The following CHRM3 variants were observed in gnomAD, a reference collection of about 807,000 sequenced individuals.
CHRM3 encodes the protein cholinergic receptor muscarinic 3.
In CHRM3, 11 loss-of-function variants were observed where a neutral mutation model predicts 41.8. The ratio of observed to expected loss-of-function variants is 0.26; its 90% CI spans 0.17 to 0.44. The LOEUF is 0.44. CHRM3 is among the 20% of genes least tolerant of loss of function. CHRM3 has a pLI of 1.00. For synonymous variants in CHRM3, 297 were observed against 301.4 expected (o/e 0.99, Z 0.15); for missense variants, 571 against 745.4 (o/e 0.77, Z 2.72).
intron 6 of CHRM3, among the ~76,000 whole-genome samples, chr1:239,856,073 C>T (rs1412830503): frequency 6.6e-6 from 1 of 152,160 alleles, no homozygotes; most frequent in Non-Finnish European, 1.5e-5. Flanking sequence ...TCCATTACCT[C>T]TTTGGCTTCA....
intron 6 of CHRM3, among the ~76,000 whole-genome samples, chr1:239,835,403 C>T (rs767322941): frequency 1.3e-5 from 2 of 152,082 alleles, no homozygotes; most frequent in African/African-American, 4.8e-5. Context: ...GTGCCCACTA[C>T]GTTCTCTGCA....
intron 1 of CHRM3, among the ~76,000 whole-genome samples, chr1:239,472,996 G>T (rs1265963535): frequency 6.6e-6 from 1 of 152,034 alleles, no homozygotes; most frequent in Non-Finnish European, 1.5e-5. Flanking sequence ...AGATAAAAAA[G>T]AAATCTTGAT....
chr1:239,657,612 T>C (rs1672830408), intron 4 of CHRM3, among the ~76,000 whole-genome samples: 1 of 152,236 alleles, frequency 6.6e-6, no homozygotes, highest in African/African-American at 2.4e-5. Context: ...CTTTCTTTTT[T>C]AATTGCCTTT....
chr1:239,568,700 C>G (rs1157081010), intron 3 of CHRM3, among the ~76,000 whole-genome samples: 11 of 152,010 alleles, frequency 7.2e-5, no homozygotes, highest in Admixed American at 4.6e-4. Flanking sequence ...CTCCTCTGCT[C>G]TTTTTCCTCA....
chr1:239,907,387 A>G lies in CHRM3; in HGVS notation c.-19-46A>G. 1 of 1,481,956 alleles carries G rather than the reference A, an allele frequency of 6.7e-7. No homozygotes were observed. The highest frequency in any genetic ancestry group is 9.2e-7 in the Non-Finnish European group (1 of 1,086,808). The allele number at this position is 1,481,956 out of a possible 1,614,324, so 91.8% of individuals were successfully genotyped here. On this transcript the variant is annotated intron_variant, in intron 6 of 6. Transcript: ENST00000676153. The surrounding 1 kb of genome is among the most constrained non-coding windows in gnomAD (Gnocchi z 5.4). ...TATGTAATGCAAAGAACAAACAAAT[A>G]AAGGCAGAAATTTTTCTAACTCTGT... is the stretch of plus-strand genomic sequence containing the variant.
At chr1:239,630,652 AT>A (rs1669711784) in intron 3 of CHRM3, among the ~76,000 whole-genome samples, 1 of 152,154 alleles carries the variant, frequency 6.6e-6, no homozygotes, top group Admixed American at 6.5e-5. Flanking sequence ...GGGAGTGTTG[AT>A]ATAGTTCAGT....
intron 6 of CHRM3, among the ~76,000 whole-genome samples, chr1:239,883,461 A>G (rs530883203): frequency 6.6e-6 from 1 of 152,346 alleles, no homozygotes; most frequent in African/African-American, 2.4e-5. Context: ...AAGCTAGCAC[A>G]GAGGCTGGCA....
At chr1:239,555,818 C>T (rs113380525) in intron 3 of CHRM3, among the ~76,000 whole-genome samples, 10 of 152,320 alleles carry the variant, frequency 6.6e-5, no homozygotes, top group African/African-American at 2.4e-4. Flanking sequence ...ACCAGCTTGC[C>T]CTTGAATTCT....
Position 239,908,139 on chromosome 1 carries a change from A to G in CHRM3, c.688A>G (p.Thr230Ala). The G allele has an allele frequency of 6.2e-7, 1 of 1,614,084 alleles. No individual in the cohort carries two copies. Among genetic ancestry groups the G allele is most frequent in the Non-Finnish European group, 8.5e-7 (1 of 1,180,026 alleles). The change falls in exon 7 of 7, where the codon ACC (threonine) becomes GCC (alanine). Residue 230 changes from threonine (T) to alanine (A), a missense_variant. Physicochemically the swap from Thr to Ala is moderately conservative, Grantham distance 58 (BLOSUM62 0). Coordinates refer to ENST00000676153, the MANE Select transcript of CHRM3 (RefSeq NM_001375978.1). The surrounding 1 kb of genome is among the most constrained non-coding windows in gnomAD (Gnocchi z 7.2). ...ECFIQFLSEP[T>A]ITFGTAIAAF... is the part of the protein sequence containing the mutation. ...CTTCATTCAGTTCCTCAGTGAGCCC[A>G]CCATTACTTTTGGCACAGCCATCGC...
chr1:239,676,549 A>G (rs1336754165), intron 4 of CHRM3, among the ~76,000 whole-genome samples: 1 of 152,198 alleles, frequency 6.6e-6, no homozygotes, highest in Non-Finnish European at 1.5e-5. Context: ...AATAGTGTAT[A>G]TCATGGTCAT....
intron 6 of CHRM3, among the ~76,000 whole-genome samples, chr1:239,891,255 A>G (rs928934262): frequency 2.0e-5 from 3 of 152,144 alleles, no homozygotes; most frequent in Non-Finnish European, 4.4e-5. Context: ...GTGCAATTCA[A>G]TGGGGTTTTC....
intron 1 of CHRM3, among the ~76,000 whole-genome samples, chr1:239,435,484 A>G (rs977028055): frequency 1.3e-5 from 2 of 151,802 alleles, no homozygotes; most frequent in East Asian, 1.9e-4. Context: ...AGAAGAAAAA[A>G]TCTTCTCTCA....
At chr1:239,524,907 TA>T (rs2148289233) in intron 2 of CHRM3, among the ~76,000 whole-genome samples, 2 of 152,314 alleles carry the variant, frequency 1.3e-5, no homozygotes, top group South Asian at 4.1e-4. Flanking sequence ...TAAGAATTTT[TA>T]AAAATTCTTC....
chr1:239,578,721 T>A (rs1662596125), intron 3 of CHRM3, among the ~76,000 whole-genome samples: 1 of 152,148 alleles, frequency 6.6e-6, no homozygotes, highest in Admixed American at 6.5e-5. Context: ...TTCCCATGCT[T>A]GAACGAATGT....
chr1:239,746,997 C>T lies in CHRM3; in HGVS notation c.-147+68709C>T, dbSNP rs183208500. ...GGTCTTGATCTCTTGACCTCGTGAT[C>T]CGCCCGCCTCAGCTTCCCAGAGTGC... On this transcript the variant is annotated intron_variant, in intron 5 of 6. Coordinates refer to ENST00000676153, the MANE Select transcript of CHRM3 (RefSeq NM_001375978.1). 6.1e-3 allele frequency among the ~76,000 whole-genome samples: 930 copies of T among 152,040 alleles called. 11 individuals are homozygous for T. The highest frequency in any genetic ancestry group is 0.021 in the African/African-American group (890 of 41,492).
rs183303048 is a variant in CHRM3 at position 239,783,605 on chromosome 1, A to C, written c.-146-43647A>C. Among the ~76,000 whole-genome samples the C allele has an allele frequency of 4.8e-4, 73 of 152,306 alleles. 1 individual carries two copies. The highest frequency in any genetic ancestry group is 3.4e-3 in the Middle Eastern group (1 of 292). ...TCAAATGCATGAGTCTAAAGTCTGAAATGAACAGCTGAGAACTGAACAAGA... is the reference window on the plus strand; with the variant it reads ...TCAAATGCATGAGTCTAAAGTCTGACATGAACAGCTGAGAACTGAACAAGA... On this transcript the variant is annotated intron_variant, in intron 5 of 6. Transcript: ENST00000676153.
chr1:239,414,066 G>A lies in CHRM3; in HGVS notation c.-521+26839G>A, dbSNP rs59835772. On this transcript the variant is annotated intron_variant, in intron 1 of 6. Coordinates refer to ENST00000676153, the MANE Select transcript of CHRM3 (RefSeq NM_001375978.1). Reference sequence around the variant, plus strand: ...GGCCCTTGTCGTTTGTAAAGCTTCCGTGGTGGTTTTATGAGCAATTTCTGT... The same window carrying A: ...GGCCCTTGTCGTTTGTAAAGCTTCCATGGTGGTTTTATGAGCAATTTCTGT... 5.5e-3 allele frequency among the ~76,000 whole-genome samples: 841 copies of A among 152,264 alleles called. 11 individuals carry two copies. Among genetic ancestry groups the A allele is most frequent in the African/African-American group, 0.019 (795 of 41,562 alleles).
At chr1:239,747,499 G>A (rs574223614) in intron 5 of CHRM3, among the ~76,000 whole-genome samples, 2 of 152,216 alleles carry the variant, frequency 1.3e-5, no homozygotes, top group South Asian at 4.2e-4. Flanking sequence ...AGGAATCTGG[G>A]AATGAGAGAT....
In CHRM3 at chr1:239,778,382, A is replaced by G. The variant is rs549123333; in HGVS notation, c.-146-48870A>G. 1.3e-4 allele frequency among the ~76,000 whole-genome samples: 20 copies of G among 152,284 alleles called. No individual in the cohort carries two copies. In the East Asian group the frequency reaches 3.9e-3, roughly 29 times the overall value. On this transcript the variant is annotated intron_variant, in intron 5 of 6. Transcript: ENST00000676153. ...TATTACTGTTATACGTCTTAAATTT[A>G]CTTCTGAAATCTCCAAGTCATCACA... is the stretch of plus-strand genomic sequence containing the variant.
Sources: gnomAD v4.1 joint callset for allele counts (sites outside exome capture counted in the v4.1 genomes callset) on GRCh38, gnomAD v4.1.1 for gene constraint, Gnocchi (gnomAD v3.1) non-coding constraint, MANE v1.5 for transcripts, NCBI Gene and HGNC (gene_info 2026-07-23, HGNC 2026-07-21) for gene names.